The following HECW2 variants were observed in gnomAD, a reference collection of about 807,000 sequenced individuals.
HECW2 encodes HECT, C2 and WW domain containing E3 ubiquitin protein ligase 2, also known as E3 ubiquitin-protein ligase HECW2.
In HECW2, 61 loss-of-function variants were observed where a neutral mutation model predicts 175.2. The ratio of observed to expected loss-of-function variants is 0.35; its 90% CI spans 0.28 to 0.43. HECW2 has a LOEUF of 0.43. HECW2 is among the 20% of genes least tolerant of loss of function. The pLI, the probability that HECW2 is intolerant of heterozygous loss-of-function variation, is 1.00. For missense variants in HECW2, 1,524 were observed against 2,000.5 expected, an observed-to-expected ratio of 0.76 and a Z score of 4.54; for synonymous variants, 671 against 731.0, an observed-to-expected ratio of 0.92 and a Z score of 1.32.
chr2:196,231,527 A>G (rs1269043981), intron 21 of HECW2, among the ~76,000 whole-genome samples: 1 of 152,218 alleles, frequency 6.6e-6, no homozygotes, highest in Non-Finnish European at 1.5e-5. Flanking sequence ...GTGCCCATTT[A>G]TGTATTGATG....
chr2:196,216,871 G>A, intron 27 of HECW2, 137 bp downstream of exon 27: 1 of 577,676 alleles, frequency 1.7e-6, no homozygotes, highest in South Asian at 2.6e-5. Flanking sequence ...GCAATCAGGA[G>A]TCTGGAAATG....
chr2:196,398,217 T>A (rs1694725129), intron 2 of HECW2, among the ~76,000 whole-genome samples: 1 of 152,022 alleles, frequency 6.6e-6, no homozygotes, highest in South Asian at 2.1e-4. Flanking sequence ...CTTAGCTAAA[T>A]GGGAAAGACT....
chr2:196,593,389 G>GC (rs1448642836), intron 1 of HECW2, 119 bp downstream of exon 1: 1 of 151,146 alleles, frequency 6.6e-6, no homozygotes, highest in African/African-American at 2.4e-5. Context: ...GCGCCGACCC[G>GC]CCTGCGTCGC....
At chr2:196,500,945 C>T (rs1216047527) in intron 1 of HECW2, among the ~76,000 whole-genome samples, 1 of 152,208 alleles carries the variant, frequency 6.6e-6, no homozygotes, top group East Asian at 1.9e-4. Context: ...AGGCAAGATT[C>T]CAACAGTGAG....
At chr2:196,510,011 C>T (rs910324043) in intron 1 of HECW2, among the ~76,000 whole-genome samples, 17 of 152,226 alleles carry the variant, frequency 1.1e-4, no homozygotes, top group African/African-American at 3.1e-4. Context: ...ACTACTATTC[C>T]TCCTTCTCTC....
chr2:196,344,301 A>G (rs1430793108), intron 2 of HECW2, among the ~76,000 whole-genome samples: 4 of 139,088 alleles, frequency 2.9e-5, no homozygotes, highest in Non-Finnish European at 6.2e-5. Flanking sequence ...GACCAAAGGC[A>G]TAGACCTTGA....
intron 1 of HECW2, among the ~76,000 whole-genome samples, chr2:196,563,288 G>A (rs1690068759): frequency 1.3e-5 from 2 of 151,918 alleles, no homozygotes; most frequent in African/African-American, 4.8e-5. Flanking sequence ...ATTCCTGGCT[G>A]GGCACGGTGG....
intron 1 of HECW2, among the ~76,000 whole-genome samples, chr2:196,582,069 A>AAATAAT (rs572551572): frequency 1.0e-4 from 15 of 150,338 alleles, no homozygotes; most frequent in Middle Eastern, 3.4e-3. Flanking sequence ...CCATCTCGAA[A>AAATAAT]AATAATAATA....
At chr2:196,420,302 C>T (rs1236587080) in intron 2 of HECW2, among the ~76,000 whole-genome samples, 6 of 152,144 alleles carry the variant, frequency 3.9e-5, no homozygotes, top group African/African-American at 1.4e-4. Context: ...ATTTATTCAA[C>T]AATTCAACAA....
intron 2 of HECW2, among the ~76,000 whole-genome samples, chr2:196,375,889 C>CTTCTTG (rs1694038444): frequency 6.6e-6 from 1 of 152,216 alleles, no homozygotes; most frequent in Non-Finnish European, 1.5e-5. Flanking sequence ...GGCTGATGAA[C>CTTCTTG]ACGTTCTTGA....
At chr2:196,501,406 G>C (rs1687574005) in intron 1 of HECW2, among the ~76,000 whole-genome samples, 1 of 152,102 alleles carries the variant, frequency 6.6e-6, no homozygotes, top group South Asian at 2.1e-4. Flanking sequence ...AGTAGAGACA[G>C]GCGTGGGAGT....
intron 2 of HECW2, among the ~76,000 whole-genome samples, chr2:196,418,018 A>T (rs1269906866): frequency 6.6e-6 from 1 of 152,200 alleles, no homozygotes. Flanking sequence ...GAAATTTCAC[A>T]TTTTTTAGGT....
In HECW2 at chr2:196,315,157, T is replaced by C. The variant is rs1200960775; in HGVS notation, c.2434+2117A>G. Among the ~76,000 whole-genome samples the C allele has an allele frequency of 2.3e-4, 20 of 85,144 alleles. No homozygotes were observed. The East Asian group carries it at 4.3e-3, about 19-fold the overall frequency. The allele number at this position is 85,144 out of a possible 152,430, so 55.9% of individuals were successfully genotyped here. A position where few individuals can be genotyped will look rare whatever the true frequency, so the allele number is the denominator to read the frequency against. On this transcript the variant is annotated intron_variant, in intron 10 of 28. Transcript: ENST00000644978. ...TACAGCACGAGTGTATGAGTGTGTG[T>C]GTGTGTGTGTGTGTGTGTGTGTGTG...
At chr2:196,416,511 C>G (rs1230405232) in intron 2 of HECW2, among the ~76,000 whole-genome samples, 1 of 152,110 alleles carries the variant, frequency 6.6e-6, no homozygotes, top group Non-Finnish European at 1.5e-5. Context: ...GAAACTGAAT[C>G]ATCATATTCT....
chr2:196,518,617 T>C (rs1162221511), intron 1 of HECW2, among the ~76,000 whole-genome samples: 5 of 136,476 alleles, frequency 3.7e-5, no homozygotes, highest in African/African-American at 5.5e-5. Flanking sequence ...ATTGCGCCAC[T>C]GCACTCCAGC....
At chr2:196,292,544 G>A (rs1338969412) in intron 14 of HECW2, 21 bp downstream of exon 14, 28 of 1,602,640 alleles carry the variant, frequency 1.7e-5, no homozygotes, top group Non-Finnish European at 2.3e-5. Flanking sequence ...GGCACTCCCT[G>A]AGGCATCTCC....
At position 196,387,775 on chromosome 2, in the gene HECW2, A is replaced by G. The variant is rs1358131664; in HGVS notation, c.293-44011T>C. 2.0e-5 allele frequency among the ~76,000 whole-genome samples: 3 copies of G among 152,192 alleles called. No individual in the cohort carries two copies. In the East Asian group the frequency reaches 5.8e-4, roughly 29 times the overall value. On this transcript the variant is annotated intron_variant, in intron 2 of 28. Transcript: ENST00000644978. Reference sequence around the variant, plus strand: ...TGAAGTCAACAGTAGAAAAGAGACCACTGGGGTCTGTGTGGTGAGTGATGT... The same window carrying G: ...TGAAGTCAACAGTAGAAAAGAGACCGCTGGGGTCTGTGTGGTGAGTGATGT...
intron 1 of HECW2, among the ~76,000 whole-genome samples, chr2:196,587,561 A>T (rs905633755): frequency 7.2e-5 from 11 of 152,232 alleles, no homozygotes; most frequent in African/African-American, 2.7e-4. Context: ...TTACACTTCA[A>T]TGAACTACTT....
At chr2:196,543,858 C>T (rs180899857) in intron 1 of HECW2, among the ~76,000 whole-genome samples, 19 of 152,324 alleles carry the variant, frequency 1.2e-4, no homozygotes, top group African/African-American at 2.4e-4. Context: ...GTGATCTGCC[C>T]GCCTCGGCCT....
Sources: allele counts gnomAD v4.1 joint callset (sites outside exome capture counted in the v4.1 genomes callset), GRCh38; gene constraint gnomAD v4.1.1; transcripts MANE v1.5; gene names NCBI Gene and HGNC (gene_info 2026-07-23, HGNC 2026-07-21).